Variants in JAM3 observed in about 807,000 individuals in gnomAD.
The protein encoded by JAM3 is junctional adhesion molecule C.
Under a neutral mutation model 39.4 loss-of-function variants are expected in JAM3, and 31 were observed. The observed-to-expected ratio is 0.79, with a 90% CI of 0.59 to 1.06. The LOEUF (loss-of-function observed/expected upper bound fraction) is 1.06, where lower values mean the gene tolerates loss of function less well. Ranked by LOEUF, JAM3 falls within the 50% of genes least tolerant of loss-of-function variation. JAM3 has a pLI of 0.00. For synonymous variants in JAM3, 182 were observed against 148.7 expected (o/e 1.22, Z -1.63); for missense variants, 455 against 391.4 (o/e 1.16, Z -1.37).
chr11:134,135,768 TAAATA>T (rs776559703), intron 1 of JAM3, among the ~76,000 whole-genome samples: 1 of 151,994 alleles, frequency 6.6e-6, no homozygotes, highest in African/African-American at 2.4e-5. Flanking sequence ...TAATAAGAGA[TAAATA>T]AAAGCTGTTG....
chr11:134,104,553 A>C (rs1466511577), intron 1 of JAM3, among the ~76,000 whole-genome samples: 2 of 152,134 alleles, frequency 1.3e-5, no homozygotes, highest in Admixed American at 6.5e-5. Flanking sequence ...CCTTCAAAAA[A>C]ATCAATGAAT....
In JAM3 at chr11:134,151,542, C is replaced by T. The variant is rs1163716915; in HGVS notation, c.*2361C>T. On this transcript the variant is annotated 3_prime_UTR_variant, in exon 9 of 9. Transcript: ENST00000299106. ...AAGTAGAGAGAAGTGAAAGTAGAGT[C>T]TGGGAAGTAGCTGCCTATAACTGAG... is the stretch of plus-strand genomic sequence containing the variant. 6.6e-6 allele frequency: 1 copy of T among 152,172 alleles called. No homozygotes were observed. Among genetic ancestry groups the T allele is most frequent in the African/African-American group, 2.4e-5 (1 of 41,444 alleles). 9.4% of individuals were successfully genotyped at this position (152,172 alleles called of 1,614,324 possible). A position where few individuals can be genotyped will look rare whatever the true frequency, so the allele number is the denominator to read the frequency against.
At chr11:134,085,033 C>G (rs1941726285) in intron 1 of JAM3, among the ~76,000 whole-genome samples, 1 of 152,116 alleles carries the variant, frequency 6.6e-6, no homozygotes. Flanking sequence ...GGAATGGCTG[C>G]CAGGAATACT....
rs1942647348 is a variant in JAM3 at position 134,126,290 on chromosome 11, AAAC to A, written c.77-13558_77-13556del. ...TGCATTTGCTTTGCTGAGGCTCTCT[AAAC>A]AAATGAGGAAAAGGCTGTTGTTCAG... is the stretch of plus-strand genomic sequence containing the variant. On this transcript the variant is annotated intron_variant, in intron 1 of 8. Coordinates refer to ENST00000299106, the MANE Select transcript of JAM3 (RefSeq NM_032801.5). 4 of 152,306 alleles carry A rather than the reference AAAC, an allele frequency of 2.6e-5. No individual in the cohort carries two copies. In the South Asian group the frequency reaches 6.2e-4, roughly 24 times the overall value. The allele number at this position is 152,306 out of a possible 1,614,324, so 9.4% of individuals were successfully genotyped here. A position where few individuals can be genotyped will look rare whatever the true frequency, so the allele number is the denominator to read the frequency against.
At chr11:134,073,886 T>TA (rs1591766126) in intron 1 of JAM3, among the ~76,000 whole-genome samples, 1 of 152,174 alleles carries the variant, frequency 6.6e-6, no homozygotes, top group Non-Finnish European at 1.5e-5. Flanking sequence ...GAGGCATTTT[T>TA]AAAAAAATGT....
intron 1 of JAM3, among the ~76,000 whole-genome samples, chr11:134,076,025 TAAC>T (rs771305964): frequency 2.3e-5 from 3 of 131,534 alleles, no homozygotes; most frequent in Non-Finnish European, 4.6e-5. Flanking sequence ...TTATTATTGA[TAAC>T]CAATCAATAC....
chr11:134,142,939 T>C (rs1337904519), intron 3 of JAM3, among the ~76,000 whole-genome samples: 1 of 152,222 alleles, frequency 6.6e-6, no homozygotes, highest in African/African-American at 2.4e-5. Context: ...ACTTCATTTC[T>C]TTTCACGGCT....
At chr11:134,146,829 G>T (rs1008231131) in intron 6 of JAM3, among the ~76,000 whole-genome samples, 1 of 152,108 alleles carries the variant, frequency 6.6e-6, no homozygotes, top group African/African-American at 2.4e-5. Flanking sequence ...CCTCCCCCAG[G>T]TGCTGGGATT....
chr11:134,113,172 A>T (rs1438650687), intron 1 of JAM3, among the ~76,000 whole-genome samples: 1 of 150,844 alleles, frequency 6.6e-6, no homozygotes, highest in Non-Finnish European at 1.5e-5. Context: ...GTAATTGACA[A>T]TGTGGGTTCT....
intron 1 of JAM3, among the ~76,000 whole-genome samples, chr11:134,088,407 T>G (rs2120622647): frequency 6.6e-6 from 1 of 152,258 alleles, no homozygotes; most frequent in Middle Eastern, 3.4e-3. Flanking sequence ...TTTTTTTTAT[T>G]TTTTATTTTT....
chr11:134,076,116 C>G (rs1256273892), intron 1 of JAM3, among the ~76,000 whole-genome samples: 1 of 146,202 alleles, frequency 6.8e-6, no homozygotes, highest in Non-Finnish European at 1.5e-5. Flanking sequence ...TTTTTGCTTG[C>G]TTAATTTTTT....
At chr11:134,139,237 A>G (rs1942928833) in intron 1 of JAM3, among the ~76,000 whole-genome samples, 1 of 152,210 alleles carries the variant, frequency 6.6e-6, no homozygotes, top group Non-Finnish European at 1.5e-5. Flanking sequence ...GCTTTCATCA[A>G]TGATATAAAC....
At chr11:134,148,894 G>T in intron 8 of JAM3, 76 bp downstream of exon 8, 1 of 1,473,604 alleles carries the variant, frequency 6.8e-7, no homozygotes, top group Non-Finnish European at 9.4e-7. Flanking sequence ...AACCACACGG[G>T]TCTCCTGGGA....
rs565486594 is a variant in JAM3 at position 134,125,579 on chromosome 11, G to A, written c.77-14272G>A. On this transcript the variant is annotated intron_variant, in intron 1 of 8. Coordinates refer to ENST00000299106, the MANE Select transcript of JAM3 (RefSeq NM_032801.5). ...TTTTTACTTTGTACTTGTAGCCATT[G>A]ACCTCGCTAGCATCCGATCCCCTGT... Among the ~76,000 whole-genome samples, 23 of 152,300 alleles carry A rather than the reference G, an allele frequency of 1.5e-4. No homozygotes were observed. The South Asian group carries it at 4.8e-3, about 32-fold the overall frequency.
chr11:134,125,742 G>A (rs1355117019), intron 1 of JAM3, among the ~76,000 whole-genome samples: 3 of 152,198 alleles, frequency 2.0e-5, no homozygotes, highest in Admixed American at 6.5e-5. Context: ...TCAAGTCCCA[G>A]CAGCACTGTG....
intron 8 of JAM3, 133 bp downstream of exon 8, chr11:134,148,951 C>T: frequency 1.1e-6 from 1 of 910,656 alleles, no homozygotes; most frequent in Admixed American, 2.1e-5. Context: ...AGCCCCTTCA[C>T]AGTAACACAC....
chr11:134,150,161 A>T lies in JAM3; in HGVS notation c.*980A>T, dbSNP rs1445832913. ...ATGTTCCTTTTCTCACACAAGTTTT[A>T]GCCTTTTTCACAAGGGAACTCATAC... On this transcript the variant is annotated 3_prime_UTR_variant, in exon 9 of 9. Transcript: ENST00000299106. 2 of 153,580 alleles carry T rather than the reference A, an allele frequency of 1.3e-5. No individual in the cohort carries two copies. Among genetic ancestry groups the T allele is most frequent in the Admixed American group, 1.3e-4 (2 of 15,414 alleles). The allele number at this position is 153,580 out of a possible 1,614,324, so 9.5% of individuals were successfully genotyped here.
chr11:134,116,120 G>T (rs963763001), intron 1 of JAM3, among the ~76,000 whole-genome samples: 1 of 152,128 alleles, frequency 6.6e-6, no homozygotes, highest in Non-Finnish European at 1.5e-5. Flanking sequence ...CAAGGAGATG[G>T]AAATTAAGCT....
intron 1 of JAM3, among the ~76,000 whole-genome samples, chr11:134,111,171 TCTCA>T (rs1357571456): frequency 1.6e-5 from 2 of 128,324 alleles, no homozygotes; most frequent in South Asian, 2.6e-4. Flanking sequence ...TGAGATGGAG[TCTCA>T]CTCTGTCGCC....
Sources: gnomAD v4.1 joint callset for allele counts (sites outside exome capture counted in the v4.1 genomes callset) on GRCh38, gnomAD v4.1.1 for gene constraint, MANE v1.5 for transcripts, NCBI Gene and HGNC (gene_info 2026-07-23, HGNC 2026-07-21) for gene names.